FBXL13: variants seen among roughly 807,000 people sequenced by gnomAD.
FBXL13 encodes the protein F-box and leucine-rich repeat protein 13.
In FBXL13, 67 loss-of-function variants were observed where a neutral mutation model predicts 83.6. The ratio of observed to expected loss-of-function variants is 0.80; its 90% confidence interval spans 0.66 to 0.98. FBXL13 has a LOEUF of 0.98. FBXL13 is among the 50% of genes least tolerant of loss of function. FBXL13 has a pLI of 0.00. For synonymous variants in FBXL13, 272 were observed against 299.5 expected (o/e 0.91, Z 0.95); for missense variants, 822 against 866.5 (o/e 0.95, Z 0.64).
intron 19 of FBXL13, 147 bp from the exon 21 acceptor site, chr7:102,813,678 A>G: frequency 1.3e-6 from 1 of 767,208 alleles, no homozygotes; most frequent in Non-Finnish European, 2.1e-6. Context: ...GAGTGAGGAT[A>G]TGGGTAAGTG....
intron 10 of FBXL13, among the ~76,000 whole-genome samples, chr7:102,920,919 C>T (rs183507790): frequency 2.0e-5 from 3 of 152,074 alleles, no homozygotes; most frequent in Admixed American, 1.3e-4. Context: ...TTTGGGAGGC[C>T]GAGGTGGGCG....
exon 7 of FBXL13, chr7:102,968,107 T>C (rs780333675): frequency 1.2e-6 from 2 of 1,610,526 alleles, no homozygotes; most frequent in African/African-American, 2.7e-5. Flanking sequence ...TAAACTGAGG[T>C]AGAAGAAAAT....
chr7:102,998,157 G>A (rs1250229997), intron 6 of FBXL13, among the ~76,000 whole-genome samples: 1 of 152,094 alleles, frequency 6.6e-6, no homozygotes, highest in Non-Finnish European at 1.5e-5. Context: ...TGTTGAACAT[G>A]TTTTCATATA....
At chr7:103,027,316 A>T (rs961411202) in intron 5 of FBXL13, 133 bp downstream of exon 6, 7 of 613,174 alleles carry the variant, frequency 1.1e-5, no homozygotes, top group East Asian at 3.0e-5. Context: ...AAAATAAAAA[A>T]AAACAAGAAT....
intron 2 of FBXL13, among the ~76,000 whole-genome samples, chr7:103,054,088 C>T (rs1797096660): frequency 6.6e-6 from 1 of 152,014 alleles, no homozygotes; most frequent in African/African-American, 2.4e-5. Context: ...AGACAACAGC[C>T]CTGTAATCAA....
intron 2 of FBXL13, among the ~76,000 whole-genome samples, chr7:103,040,249 G>A (rs1795521833): frequency 6.6e-6 from 1 of 152,110 alleles, no homozygotes; most frequent in Non-Finnish European, 1.5e-5. Context: ...TATTGGTAAA[G>A]GGATCAATTC....
intron 11 of FBXL13, among the ~76,000 whole-genome samples, chr7:102,901,943 T>G (rs947166690): frequency 6.6e-6 from 1 of 152,218 alleles, no homozygotes; most frequent in African/African-American, 2.4e-5. Flanking sequence ...CTTTTGGGTA[T>G]ATACCCAGCA....
chr7:102,942,367 T>A, intron 8 of FBXL13: 1 of 1,526,222 alleles, frequency 6.6e-7, no homozygotes, highest in Non-Finnish European at 8.8e-7. Context: ...GCAGTGGGAG[T>A]TGCCAGACTT....
At position 103,027,511 on chromosome 7, in the gene FBXL13, T is replaced by C. The variant is rs753945956; in HGVS notation, c.265A>G (p.Ile89Val). 6 of 1,613,448 alleles carry C rather than the reference T, an allele frequency of 3.7e-6. No individual in the cohort carries two copies. The South Asian group carries it at 5.5e-5, about 15-fold the overall frequency. Residue 89 changes from isoleucine to valine, a missense_variant, in exon 5 of 20, where the codon ATT becomes GTT. Transcript: ENST00000313221. Reference sequence around the variant, plus strand: ...GTATTCCGCCATTTTGTTAGGATAATGGTTAGCTTGTGACAATAGATGATC... The same window carrying C: ...GTATTCCGCCATTTTGTTAGGATAACGGTTAGCTTGTGACAATAGATGATC...
At chr7:103,009,228 C>A (rs899470310) in intron 6 of FBXL13, among the ~76,000 whole-genome samples, 1 of 152,072 alleles carries the variant, frequency 6.6e-6, no homozygotes, top group South Asian at 2.1e-4. Context: ...GCCAAGATGG[C>A]GAATTAGAAG....
At chr7:103,042,683 G>C (rs1156475931) in intron 2 of FBXL13, among the ~76,000 whole-genome samples, 1 of 152,128 alleles carries the variant, frequency 6.6e-6, no homozygotes, top group Non-Finnish European at 1.5e-5. Context: ...ACAACCATCT[G>C]ATCTTTGACA....
chr7:102,936,170 T>A (rs1302261184), intron 8 of FBXL13: 1 of 152,040 alleles, frequency 6.6e-6, no homozygotes, highest in African/African-American at 2.4e-5. Context: ...AGCAGTTACA[T>A]ACAGCTTCAT....
At chr7:102,937,905 C>T (rs1051038697) in intron 8 of FBXL13, among the ~76,000 whole-genome samples, 4 of 152,170 alleles carry the variant, frequency 2.6e-5, no homozygotes, top group Non-Finnish European at 2.9e-5. Context: ...TTCCCCAACT[C>T]GGAGTTGAGA....
chr7:102,820,116 T>G (rs1584424467), intron 19 of FBXL13, among the ~76,000 whole-genome samples: 1 of 152,210 alleles, frequency 6.6e-6, no homozygotes, highest in East Asian at 1.9e-4. Flanking sequence ...AGGACTGTCT[T>G]TCTCCATTGC....
At chr7:102,921,930 C>A (rs890751962) in intron 10 of FBXL13, among the ~76,000 whole-genome samples, 1 of 152,134 alleles carries the variant, frequency 6.6e-6, no homozygotes, top group East Asian at 1.9e-4. Flanking sequence ...GTGGCTCACG[C>A]CTGTAATCCC....
intron 18 of FBXL13, among the ~76,000 whole-genome samples, chr7:102,828,050 C>T (rs995503886): frequency 1.3e-5 from 2 of 152,082 alleles, no homozygotes; most frequent in Non-Finnish European, 2.9e-5. Flanking sequence ...GGCTTAGGAT[C>T]GACTTGGCAA....
At position 103,057,399 on chromosome 7, in the gene FBXL13, G is replaced by T. The variant is rs534475729; in HGVS notation, c.-104-1652C>A. ...GGTTTTCTAGCCTTTTAAAGTATGA[G>T]AAACTCATTGGGGTTGGGGGGGGTT... On this transcript the variant is annotated intron_variant, in intron 1 of 19. Coordinates refer to ENST00000313221, the Ensembl canonical transcript of FBXL13. Among the ~76,000 whole-genome samples the T allele has an allele frequency of 5.0e-5, 6 of 120,256 alleles. No homozygotes were observed. In the East Asian group the frequency reaches 1.3e-3, roughly 26 times the overall value. The allele number at this position is 120,256 out of a possible 152,430, so 78.9% of individuals were successfully genotyped here.
chr7:103,042,597 G>GAATGGTA (rs1795841184), intron 2 of FBXL13, among the ~76,000 whole-genome samples: 1 of 152,154 alleles, frequency 6.6e-6, no homozygotes, highest in Non-Finnish European at 1.5e-5. Flanking sequence ...AACCAAAACA[G>GAATGGTA]CATGGTACTG....
intron 12 of FBXL13, among the ~76,000 whole-genome samples, chr7:102,883,996 TA>T (rs1563041505): frequency 1.3e-5 from 2 of 152,144 alleles, no homozygotes; most frequent in South Asian, 2.1e-4. Flanking sequence ...GTAACATCAC[TA>T]AAAAAAATCC....
Sources: allele counts gnomAD v4.1 joint callset (sites outside exome capture counted in the v4.1 genomes callset), GRCh38; gene constraint gnomAD v4.1.1; transcripts MANE v1.5; gene names NCBI Gene and HGNC (gene_info 2026-07-23, HGNC 2026-07-21).